Variants in COPS9 observed in about 807,000 individuals in gnomAD.
COPS9 encodes COP9 signalosome complex subunit 9.
Under a neutral mutation model 7.2 loss-of-function variants are expected in COPS9, and 8 were observed. That is an observed-to-expected ratio of 1.11 (90% CI 0.65 to 2.00). The LOEUF (loss-of-function observed/expected upper bound fraction) is 2.00, where lower values mean the gene tolerates loss of function less well. Ranked by LOEUF, COPS9 falls within the 30% of genes most tolerant of loss-of-function variation. The pLI is 0.00. For missense variants in COPS9, 74 were observed against 77.7 expected (o/e 0.95, Z 0.18); for synonymous variants, 39 against 28.7 (o/e 1.36, Z -1.14).
chr2:240,131,236 C>A, intron 2 of COPS9, 148 bp from the exon 3 acceptor site: 1 of 949,912 alleles, frequency 1.1e-6, no homozygotes, highest in Non-Finnish European at 1.6e-6. Flanking sequence ...AACAGACTTT[C>A]AGTTTCAGCC....
chr2:240,133,567 C>T (rs563863059), intron 2 of COPS9, among the ~76,000 whole-genome samples: 4 of 152,304 alleles, frequency 2.6e-5, no homozygotes, highest in African/African-American at 9.6e-5. Context: ...ACCGGCTACC[C>T]GGAGAGGGCG....
chr2:240,130,920 T>C lies in COPS9; in HGVS notation c.*131A>G, dbSNP rs1296875780. ...CTAGGTCGTTAAGAACAGTCTTATCTTTCTGGTTAACCAGGTCCTAAATTC... is the reference window on the plus strand; with the variant it reads ...CTAGGTCGTTAAGAACAGTCTTATCCTTCTGGTTAACCAGGTCCTAAATTC... On this transcript the variant is annotated 3_prime_UTR_variant, in exon 3 of 3. Transcript: ENST00000607357. 2 of 1,479,344 alleles carry C rather than the reference T, an allele frequency of 1.4e-6. No individual in the cohort carries two copies. The allele number at this position is 1,479,344 out of a possible 1,614,324, so 91.6% of individuals were successfully genotyped here.
At position 240,132,617 on chromosome 2, in the gene COPS9, T is replaced by C. The variant is rs1013792450; in HGVS notation, c.136+1316A>G. Among the ~76,000 whole-genome samples, 6 of 152,218 alleles carry C rather than the reference T, an allele frequency of 3.9e-5. No homozygotes were observed. Among genetic ancestry groups the C allele is most frequent in the East Asian group, 1.9e-4 (1 of 5,190 alleles). On this transcript the variant is annotated intron_variant, in intron 2 of 2. Transcript: ENST00000607357. The surrounding 1 kb of genome is among the most constrained non-coding windows in gnomAD (Gnocchi z 4.1). The stretch of plus-strand genomic sequence containing the variant: ...ATTCAAGGGCTGACTCTGGAAGTCA[T>C]GTGAACTCAAACACTAGAACACAGC...
Position 240,136,305 on chromosome 2 carries a change from G to A in COPS9, c.-21C>T, listed in dbSNP as rs1305104307. 3 of 1,551,744 alleles carry A rather than the reference G, an allele frequency of 1.9e-6. No individual in the cohort carries two copies. Among genetic ancestry groups the A allele is most frequent in the Non-Finnish European group, 2.6e-6 (3 of 1,153,132 alleles). On this transcript the variant is annotated 5_prime_UTR_variant, in exon 1 of 3. Transcript: ENST00000607357. Reference sequence around the variant, plus strand: ...TTCATCTCGGGGCCGCGGCGCTCTAGGCTCACTTCCGGCCTCAGAGCCGCT... The same window carrying A: ...TTCATCTCGGGGCCGCGGCGCTCTAAGCTCACTTCCGGCCTCAGAGCCGCT...
downstream of COPS9, among the ~76,000 whole-genome samples, chr2:240,128,487 G>A (rs191729876): frequency 1.4e-4 from 21 of 152,308 alleles, no homozygotes; most frequent in African/African-American, 4.8e-4. Flanking sequence ...TCTGCTCCAA[G>A]ACGCAGGCAG....
downstream of COPS9, chr2:240,127,030 G>T: frequency 6.8e-7 from 1 of 1,478,538 alleles, no homozygotes; most frequent in Non-Finnish European, 9.1e-7. Flanking sequence ...AAGTCATTCT[G>T]TCCAGTGAGA....
At chr2:240,130,159 T>C (rs1173857974), downstream of COPS9, 4 of 681,800 alleles carry the variant, frequency 5.9e-6, no homozygotes, top group Non-Finnish European at 7.4e-6. Context: ...AGTACAAATG[T>C]CTCTTCTGTA....
chr2:240,134,449 T>C (rs2071953938), intron 1 of COPS9, among the ~76,000 whole-genome samples: 1 of 152,184 alleles, frequency 6.6e-6, no homozygotes, highest in African/African-American at 2.4e-5. Flanking sequence ...TCTGAGGTTC[T>C]GGTGCCCCGC....
chr2:240,135,821 C>A, intron 1 of COPS9: 1 of 199,432 alleles, frequency 5.0e-6, no homozygotes, highest in Non-Finnish European at 1.0e-5. Context: ...TTTCTTCCCC[C>A]AAATCCCCTA....
chr2:240,130,993 A>G lies in COPS9; in HGVS notation c.*58T>C. On this transcript the variant is annotated 3_prime_UTR_variant, in exon 3 of 3. Transcript: ENST00000607357. ...AAAACCACCTGAAACTGTCCTGCGC[A>G]GGCTCACACTGCGGCTCTGTACCAA... 6.2e-7 allele frequency: 1 copy of G among 1,600,614 alleles called. No homozygotes were observed.
Position 240,132,515 on chromosome 2 carries a change from C to T in COPS9, c.136+1418G>A, listed in dbSNP as rs76519408. Among the ~76,000 whole-genome samples the T allele has an allele frequency of 0.015, 2,351 of 152,228 alleles. 42 individuals carry two copies. The highest frequency in any genetic ancestry group is 0.089 in the East Asian group (458 of 5,148). The stretch of plus-strand genomic sequence containing the variant: ...GCCGTGGCTCAAAGGCAGACACGCG[C>T]CCACAATGCTCAGGTTGCTGGGCGC... On this transcript the variant is annotated intron_variant, in intron 2 of 2. Transcript: ENST00000607357. This position sits in a 1 kb window ranked among gnomAD's most constrained non-coding sequence, Gnocchi z 4.1.
In COPS9 at chr2:240,132,301, A is replaced by C. The variant is rs2106556159; in HGVS notation, c.137-1213T>G. On this transcript the variant is annotated intron_variant, in intron 2 of 2. Coordinates refer to ENST00000607357, the MANE Select transcript of COPS9 (RefSeq NM_001163424.2). This position sits in a 1 kb window ranked among gnomAD's most constrained non-coding sequence, Gnocchi z 4.1. ...GTGCCCAGGGTGTAACAGCCCAGCA[A>C]ACCCATCTGTTTGACGAGTAAAAAG... is the stretch of plus-strand genomic sequence containing the variant. 6.6e-6 allele frequency among the ~76,000 whole-genome samples: 1 copy of C among 152,284 alleles called. No homozygotes were observed.
rs112556280 is a variant in COPS9, at chr2:240,130,983, T to C, written c.*68A>G. On this transcript the variant is annotated 3_prime_UTR_variant, in exon 3 of 3. Coordinates refer to ENST00000607357, the MANE Select transcript of COPS9 (RefSeq NM_001163424.2). ...CGTGTTCTTTAAAACCACCTGAAAC[T>C]GTCCTGCGCAGGCTCACACTGCGGC... The C allele has an allele frequency of 1.8e-4, 287 of 1,578,008 alleles. No individual in the cohort carries two copies. In the African/African-American group the frequency reaches 3.5e-3, roughly 20 times the overall value.
chr2:240,133,881 T>C (rs922719741), intron 2 of COPS9, 52 bp downstream of exon 2: 44 of 1,576,108 alleles, frequency 2.8e-5, no homozygotes, highest in Non-Finnish European at 3.5e-5. Flanking sequence ...TGCCTTCACC[T>C]AGAGAAGAAA....
At chr2:240,135,229 T>G (rs1279854315) in intron 1 of COPS9, among the ~76,000 whole-genome samples, 2 of 152,074 alleles carry the variant, frequency 1.3e-5, no homozygotes, top group Non-Finnish European at 2.9e-5. Context: ...AACCCAGGGC[T>G]CTGCTCCTGC....
chr2:240,126,633 T>A, downstream of COPS9: 2 of 1,614,242 alleles, frequency 1.2e-6, no homozygotes, highest in South Asian at 1.1e-5. Flanking sequence ...TGGTGTTTCA[T>A]CACTCTTAAA....
At chr2:240,135,050 G>A (rs57436753) in intron 1 of COPS9, among the ~76,000 whole-genome samples, 1 of 152,052 alleles carries the variant, frequency 6.6e-6, no homozygotes, top group African/African-American at 2.4e-5. Flanking sequence ...GAAGTGCTTC[G>A]GGAGCGGGGT....
At chr2:240,126,938 T>C, downstream of COPS9, 4 of 1,610,576 alleles carry the variant, frequency 2.5e-6, no homozygotes, top group Non-Finnish European at 3.4e-6. Context: ...TCAGTTCACA[T>C]CTCTGGGGAG....
At chr2:240,129,878 GTGCAGACCTTCT>G (rs1478199523), downstream of COPS9, 4 of 1,591,110 alleles carry the variant, frequency 2.5e-6, no homozygotes, top group Non-Finnish European at 2.6e-6. Flanking sequence ...GTGCGGCCCA[GTGCAGACCTTCT>G]TACAGAGATG....
Sources: allele counts gnomAD v4.1 joint callset (sites outside exome capture counted in the v4.1 genomes callset), GRCh38; gene constraint gnomAD v4.1.1; non-coding constraint Gnocchi (gnomAD v3.1); transcripts MANE v1.5; gene names NCBI Gene and HGNC (gene_info 2026-07-23, HGNC 2026-07-21).